Variants in ADK observed in about 807,000 individuals in gnomAD.
ADK encodes the protein N6,N6-dimethyladenosine kinase.
A neutral mutation model predicts 44.7 loss-of-function variants in ADK; 24 were observed. The observed-to-expected ratio is 0.54, with a 90% CI of 0.39 to 0.76. The LOEUF is 0.76. Ranked by LOEUF, ADK falls within the 30% of genes least tolerant of loss-of-function variation. ADK has a pLI of 0.00. For synonymous variants in ADK, 128 were observed against 142.6 expected, an observed-to-expected ratio of 0.90 and a Z score of 0.73; for missense variants, 321 against 425.1, an observed-to-expected ratio of 0.76 and a Z score of 2.15.
chr10:74,334,350 A>T (rs1333915510), intron 4 of ADK, among the ~76,000 whole-genome samples: 2 of 152,178 alleles, frequency 1.3e-5, no homozygotes, highest in African/African-American at 4.8e-5. Flanking sequence ...AAGCAAGCTT[A>T]TTTACTGCTT....
chr10:74,532,493 C>T (rs1298635615), intron 7 of ADK, among the ~76,000 whole-genome samples: 3 of 146,922 alleles, frequency 2.0e-5, no homozygotes, highest in East Asian at 3.9e-4. Flanking sequence ...AAAAAAAAAC[C>T]CTTGGAATAG....
Position 74,695,058 on chromosome 10 carries a change from A to G in ADK, c.965-13263A>G, listed in dbSNP as rs568085338. ...GCCATCTTTTCCCCATGAATTTGCA[A>G]TGGCAACTCTGTTGTAGCTCAAGTT... is the stretch of plus-strand genomic sequence containing the variant. On this transcript the variant is annotated intron_variant, in intron 10 of 10. Transcript: ENST00000539909. Among the ~76,000 whole-genome samples, 53 of 152,196 alleles carry G rather than the reference A, an allele frequency of 3.5e-4. 1 individual carries two copies. In the Middle Eastern group the frequency reaches 0.01, roughly 29 times the overall value.
At chr10:74,181,033 T>C (rs1842535151) in intron 1 of ADK, among the ~76,000 whole-genome samples, 1 of 152,200 alleles carries the variant, frequency 6.6e-6, no homozygotes, top group African/African-American at 2.4e-5. Context: ...AGGAAAAAAA[T>C]GTTTAAATCT....
At chr10:74,162,032 GT>G (rs1308912087) in intron 1 of ADK, among the ~76,000 whole-genome samples, 2 of 151,766 alleles carry the variant, frequency 1.3e-5, no homozygotes, top group African/African-American at 4.8e-5. Flanking sequence ...TTTTTTGTTT[GT>G]TTTTTAGACA....
At position 74,444,558 on chromosome 10, in the gene ADK, A is replaced by G. The variant is rs377683853; in HGVS notation, c.555+45979A>G. Among the ~76,000 whole-genome samples the G allele has an allele frequency of 1.3e-3, 194 of 152,220 alleles. 4 individuals are homozygous for G. The South Asian group carries it at 0.039, about 30-fold the overall frequency. The stretch of plus-strand genomic sequence containing the variant: ...TATTTAAATAAGTAAACATGGATAG[A>G]CACTATTTTGTAGCAAGGGGTTGGG... On this transcript the variant is annotated intron_variant, in intron 6 of 10. Coordinates refer to ENST00000539909, the MANE Select transcript of ADK (RefSeq NM_006721.4).
At chr10:74,387,499 T>A (rs1592137601) in intron 4 of ADK, among the ~76,000 whole-genome samples, 1 of 152,214 alleles carries the variant, frequency 6.6e-6, no homozygotes. Flanking sequence ...ATAAAATTTC[T>A]AACATAGGAA....
rs1235735098 is a variant in ADK at position 74,664,353 on chromosome 10, G to GA, written c.878-5825dup. Among the ~76,000 whole-genome samples the GA allele has an allele frequency of 2.0e-5, 3 of 152,214 alleles. No individual in the cohort carries two copies. In the South Asian group the frequency reaches 6.2e-4, roughly 32 times the overall value. On this transcript the variant is annotated intron_variant, in intron 9 of 10. Coordinates refer to ENST00000539909, the MANE Select transcript of ADK (RefSeq NM_006721.4). ...GAATGTAGTTTATTGTATATGCATA[G>GA]AAAAATTCTAGAAGGATATATAAGA...
chr10:74,438,782 T>A (rs1359161047), intron 6 of ADK, among the ~76,000 whole-genome samples: 1 of 152,156 alleles, frequency 6.6e-6, no homozygotes, highest in Non-Finnish European at 1.5e-5. Flanking sequence ...TATTTTCATC[T>A]CTGATTTTAT....
chr10:74,550,227 T>C (rs1849983316), intron 7 of ADK, among the ~76,000 whole-genome samples: 1 of 151,972 alleles, frequency 6.6e-6, no homozygotes, highest in Non-Finnish European at 1.5e-5. Flanking sequence ...TCCACCACCA[T>C]GCCCAGCTAA....
intron 4 of ADK, among the ~76,000 whole-genome samples, chr10:74,319,445 T>G (rs965590984): frequency 6.6e-6 from 1 of 152,194 alleles, no homozygotes; most frequent in Non-Finnish European, 1.5e-5. Context: ...AGTGTCTCTG[T>G]GTGTCCTAAT....
intron 1 of ADK, among the ~76,000 whole-genome samples, chr10:74,195,465 C>T (rs1174516239): frequency 6.6e-6 from 1 of 151,858 alleles, no homozygotes; most frequent in African/African-American, 2.4e-5. Flanking sequence ...TTCAAGATAT[C>T]TTTTATATGC....
chr10:74,326,772 G>A (rs918827022), intron 4 of ADK, among the ~76,000 whole-genome samples: 6 of 151,802 alleles, frequency 4.0e-5, no homozygotes, highest in African/African-American at 7.3e-5. Flanking sequence ...TTAAATTTTG[G>A]TAGATTATAT....
At chr10:74,629,174 C>A (rs1853325339) in intron 9 of ADK, among the ~76,000 whole-genome samples, 3 of 151,980 alleles carry the variant, frequency 2.0e-5, no homozygotes, top group Admixed American at 2.0e-4. Context: ...GGACTACAGG[C>A]ACACGCCACC....
intron 6 of ADK, among the ~76,000 whole-genome samples, chr10:74,427,413 T>C (rs1844835817): frequency 6.6e-6 from 1 of 152,314 alleles, no homozygotes; most frequent in East Asian, 1.9e-4. Context: ...TTAGCCAGGA[T>C]GGTCTCGATC....
At chr10:74,631,278 A>T (rs890556824) in intron 9 of ADK, among the ~76,000 whole-genome samples, 27 of 144,518 alleles carry the variant, frequency 1.9e-4, no homozygotes, top group Non-Finnish European at 2.1e-4. Context: ...TGATTTATTT[A>T]TTTTTTTTTT....
intron 3 of ADK, among the ~76,000 whole-genome samples, chr10:74,275,441 A>G (rs1204544079): frequency 6.6e-6 from 1 of 152,082 alleles, no homozygotes; most frequent in Non-Finnish European, 1.5e-5. Context: ...ATTAACTAGG[A>G]CAGATCTTAA....
rs540757191 is a variant in ADK, at chr10:74,599,697, C to T, written c.763-682C>T. ...TTTCAGAAAACTTCAATAAAGATTT[C>T]AGTAAAACTTTATGGCCTATGTGGT... On this transcript the variant is annotated intron_variant, in intron 8 of 10. Transcript: ENST00000539909. Among the ~76,000 whole-genome samples the T allele has an allele frequency of 2.0e-5, 3 of 152,246 alleles. No individual in the cohort carries two copies. The East Asian group carries it at 5.8e-4, about 29-fold the overall frequency.
rs558165931 is a variant in ADK at position 74,398,509 on chromosome 10, A to C, written c.485A>C (p.Lys162Thr). ...AATCTTGCTGCTGCCAATTGTTATA[A>C]AAAGGAAAAACATCTTGATCTGGAG... is the stretch of plus-strand genomic sequence containing the variant. ...IANLAAANCY[K>T]KEKHLDLEKN... The change falls in exon 6 of 11, where the codon AAA becomes ACA. Residue 162 changes from lysine to threonine, a missense_variant. Lys to Thr is a moderately conservative substitution (Grantham distance 78, BLOSUM62 -1). Coordinates refer to ENST00000539909, the MANE Select transcript of ADK (RefSeq NM_006721.4). 2.5e-6 allele frequency: 4 copies of C among 1,611,938 alleles called. No homozygotes were observed. The African/African-American group carries it at 5.3e-5, about 21-fold the overall frequency.
intron 6 of ADK, among the ~76,000 whole-genome samples, chr10:74,469,673 C>T (rs1212180917): frequency 6.6e-6 from 1 of 152,102 alleles, no homozygotes; most frequent in Non-Finnish European, 1.5e-5. Flanking sequence ...CTATCTTAAC[C>T]ATTTTTAAGT....
Sources: gnomAD v4.1 joint callset for allele counts (sites outside exome capture counted in the v4.1 genomes callset) on GRCh38, gnomAD v4.1.1 for gene constraint, MANE v1.5 for transcripts, NCBI Gene and HGNC (gene_info 2026-07-23, HGNC 2026-07-21) for gene names.